Variants in CLPX observed in about 807,000 individuals in gnomAD.
CLPX encodes caseinolytic mitochondrial matrix peptidase chaperone subunit X.
A neutral mutation model predicts 76.4 loss-of-function variants in CLPX; 34 were observed. That is an observed-to-expected ratio of 0.45 (90% CI 0.34 to 0.59). CLPX has a LOEUF of 0.59. Ranked by LOEUF, CLPX falls within the 20% of genes least tolerant of loss-of-function variation. The pLI, the probability that CLPX is intolerant of heterozygous loss-of-function variation, is 0.01. For missense variants in CLPX, 613 were observed against 757.0 expected (o/e 0.81, Z 2.23); for synonymous variants, 248 against 270.9 (o/e 0.92, Z 0.83).
At position 65,149,861 on chromosome 15, in the gene CLPX, A is replaced by G. The variant is rs985613116; in HGVS notation, c.*962T>C. On this transcript the variant is annotated 3_prime_UTR_variant, in exon 14 of 14. Coordinates refer to ENST00000300107, the MANE Select transcript of CLPX (RefSeq NM_006660.5). ...GGACAGCGTGAGACTCCGCTCAATT[A>G]AAAAAAAAAAAAAAAAAAAGATGGT... 2 of 13,598 alleles carry G rather than the reference A, an allele frequency of 1.5e-4. No homozygotes were observed. Among genetic ancestry groups the G allele is most frequent in the African/African-American group, 2.3e-4 (2 of 8,880 alleles). The allele number at this position is 13,598 out of a possible 1,614,324, so 0.8% of individuals were successfully genotyped here.
rs562581870 is a variant in CLPX at position 65,149,799 on chromosome 15, G to A, written c.*1024C>T. On this transcript the variant is annotated 3_prime_UTR_variant, in exon 14 of 14. Coordinates refer to ENST00000300107, the MANE Select transcript of CLPX (RefSeq NM_006660.5). ...TGCTTGAACCTGGGAGGCGGAGGTT[G>A]CAGTGAGCCAAGATCGCACCACTGC... The A allele has an allele frequency of 8.3e-4, 171 of 206,512 alleles. No homozygotes were observed. The highest frequency in any genetic ancestry group is 1.2e-3 in the Non-Finnish European group (122 of 100,034). 12.8% of individuals were successfully genotyped at this position (206,512 alleles called of 1,614,324 possible). A position where few individuals can be genotyped will look rare whatever the true frequency, so the allele number is the denominator to read the frequency against.
intron 1 of CLPX, 117 bp downstream of exon 1, chr15:65,184,958 T>A (rs891578081): frequency 1.2e-6 from 1 of 838,992 alleles, no homozygotes; most frequent in Non-Finnish European, 2.0e-6. Flanking sequence ...GCGCCGCGCA[T>A]TCCCTCACAC....
At position 65,180,027 on chromosome 15, in the gene CLPX, T is replaced by C. The variant is rs368429614; in HGVS notation, c.240+17A>G. The C allele has an allele frequency of 1.3e-3, 2,001 of 1,585,256 alleles. 28 individuals are homozygous for C. In the South Asian group the frequency reaches 0.018, roughly 15 times the overall value. ...AACTCACAATGTGTACAGATGCCAA[T>C]AAGATAAAATAATTACCTTATTTCC... On this transcript the variant is annotated intron_variant, in intron 2 of 13. Transcript: ENST00000300107.
At position 65,164,100 on chromosome 15, in the gene CLPX, A is replaced by G; in HGVS notation, c.602T>C (p.Ile201Thr). Reference sequence around the variant, plus strand: ...CAGATTAGCTGGGATATTATTATATATTCTCTTATAATGATTGTACACAGC... The same window carrying G: ...CAGATTAGCTGGGATATTATTATATGTTCTCTTATAATGATTGTACACAGC... The part of the protein sequence containing the change: ...SVAVYNHYKR[I>T]YNNIPANLRQ... The change falls in exon 5 of 14, where the codon ATA (isoleucine) becomes ACA (threonine). Residue 201 changes from isoleucine (I) to threonine (T), a missense_variant. Physicochemically the swap from Ile to Thr is moderately conservative, Grantham distance 89 (BLOSUM62 -1). Transcript: ENST00000300107. The G allele has an allele frequency of 6.2e-7, 1 of 1,612,858 alleles. No individual in the cohort carries two copies. Among genetic ancestry groups the G allele is most frequent in the Admixed American group, 1.7e-5 (1 of 60,002 alleles).
At chr15:65,162,301 A>G (rs1473806482) in intron 6 of CLPX, among the ~76,000 whole-genome samples, 2 of 152,228 alleles carry the variant, frequency 1.3e-5, no homozygotes, top group Admixed American at 6.5e-5. Context: ...GGCAAAGAGT[A>G]GCTAGAAAAT....
intron 3 of CLPX, 32 bp downstream of exon 3, chr15:65,178,902 G>GA (rs1000417655): frequency 8.3e-7 from 1 of 1,204,554 alleles, no homozygotes. Flanking sequence ...AAAATGTAGG[G>GA]AAAAAAGAAC....
intron 1 of CLPX, 53 bp downstream of exon 1, chr15:65,185,022 G>GGC: frequency 6.7e-7 from 1 of 1,483,326 alleles, no homozygotes; most frequent in Non-Finnish European, 9.2e-7. Context: ...CCATTGGCCA[G>GGC]TCCACCCCCC....
Position 65,172,525 on chromosome 15 carries a change from C to T in CLPX, c.359-5740G>A, listed in dbSNP as rs553101039. On this transcript the variant is annotated intron_variant, in intron 3 of 13. Transcript: ENST00000300107. ...GCAGGCGCCTGTAATCCCAGCTACT[C>T]AGGAGCCTGAGGCTGAGAACTGCTT... Among the ~76,000 whole-genome samples, 3 of 152,096 alleles carry T rather than the reference C, an allele frequency of 2.0e-5. No individual in the cohort carries two copies. In the South Asian group the frequency reaches 6.2e-4, roughly 32 times the overall value.
At chr15:65,155,953 T>G in intron 9 of CLPX, 97 bp from the exon 10 acceptor site, 2 of 1,050,802 alleles carry the variant, frequency 1.9e-6, no homozygotes, top group East Asian at 4.8e-5. Context: ...AATATGTGAT[T>G]ATAGTCAATG....
At chr15:65,153,521 G>A (rs766868464) in intron 12 of CLPX, 26 bp downstream of exon 12, 4 of 1,407,186 alleles carry the variant, frequency 2.8e-6, no homozygotes, top group Non-Finnish European at 4.0e-6. Context: ...AGAAATAATT[G>A]TTTTTATAGA....
intron 1 of CLPX, among the ~76,000 whole-genome samples, chr15:65,182,200 A>G (rs2088184984): frequency 6.6e-6 from 1 of 152,120 alleles, no homozygotes; most frequent in Non-Finnish European, 1.5e-5. Context: ...CAAAATGACC[A>G]TTCACCAATC....
chr15:65,179,114 AAT>A, intron 2 of CLPX, 63 bp from the exon 3 acceptor site: 1 of 830,034 alleles, frequency 1.2e-6, no homozygotes, highest in Non-Finnish European at 2.1e-6. Context: ...AACCAACTTA[AAT>A]GTAAACAATA....
rs142739204 is a variant in CLPX, at chr15:65,158,900, T to C, written c.716-149A>G. On this transcript the variant is annotated intron_variant, in intron 6 of 13. Coordinates refer to ENST00000300107, the MANE Select transcript of CLPX (RefSeq NM_006660.5). ...GTCTTACCTACAAAGGAGAAAAATC[T>C]CAAATTATCTAGTGACAAACATATA... 2.6e-4 allele frequency: 156 copies of C among 607,118 alleles called. 1 individual carries two copies. The African/African-American group carries it at 2.6e-3, about 10-fold the overall frequency. 37.6% of individuals were successfully genotyped at this position (607,118 alleles called of 1,614,324 possible).
chr15:65,175,625 T>C (rs1262732955), intron 3 of CLPX, among the ~76,000 whole-genome samples: 1 of 152,216 alleles, frequency 6.6e-6, no homozygotes, highest in East Asian at 1.9e-4. Context: ...AGAAATACAC[T>C]GGTTAAGCAC....
intron 2 of CLPX, 47 bp downstream of exon 2, chr15:65,179,997 G>A: frequency 2.2e-6 from 3 of 1,369,886 alleles, no homozygotes; most frequent in South Asian, 1.7e-5. Context: ...TTTTTTAAAG[G>A]AGGGAACTCA....
intron 1 of CLPX, among the ~76,000 whole-genome samples, chr15:65,180,598 T>C (rs913878907): frequency 6.6e-6 from 1 of 152,118 alleles, no homozygotes; most frequent in East Asian, 1.9e-4. Flanking sequence ...ACTCATCTGT[T>C]ATTATATAAG....
intron 5 of CLPX, among the ~76,000 whole-genome samples, chr15:65,163,498 C>A (rs543723840): frequency 6.6e-6 from 1 of 152,244 alleles, no homozygotes; most frequent in Non-Finnish European, 1.5e-5. Context: ...TTGGGGCTGT[C>A]TGGCCAACAA....
chr15:65,171,264 T>C (rs1405168708), intron 3 of CLPX, among the ~76,000 whole-genome samples: 3 of 151,862 alleles, frequency 2.0e-5, no homozygotes, highest in South Asian at 2.1e-4. Context: ...CTAGCCAACA[T>C]AGTGAAACCC....
intron 3 of CLPX, among the ~76,000 whole-genome samples, chr15:65,174,159 G>A (rs927370290): frequency 1.3e-5 from 2 of 152,090 alleles, no homozygotes; most frequent in African/African-American, 4.8e-5. Flanking sequence ...ATTTTTATTA[G>A]AGACGGGGTT....
Sources: gnomAD v4.1 joint callset for allele counts (sites outside exome capture counted in the v4.1 genomes callset) on GRCh38, gnomAD v4.1.1 for gene constraint, MANE v1.5 for transcripts, NCBI Gene and HGNC (gene_info 2026-07-23, HGNC 2026-07-21) for gene names.